Variants in MPP4 observed in about 807,000 individuals in gnomAD.
The protein encoded by MPP4 is MAGUK p55 scaffold protein 4.
In MPP4, 91 loss-of-function variants were observed where a neutral mutation model predicts 98.3. The observed-to-expected ratio is 0.93, with a 90% CI of 0.78 to 1.10. The LOEUF (loss-of-function observed/expected upper bound fraction) is 1.10, where lower values mean the gene tolerates loss of function less well. Among genes scored for constraint, MPP4 ranks in the 50% least tolerant of loss-of-function variants. The probability of loss-of-function intolerance (pLI) is 0.00; values close to 1 mark genes in which losing one functional copy is unlikely to be tolerated. For synonymous variants in MPP4, 261 were observed against 271.8 expected (o/e 0.96, Z 0.39); for missense variants, 744 against 792.9 (o/e 0.94, Z 0.74).
At chr2:201,682,362 A>C (rs1688689466) in intron 8 of MPP4, among the ~76,000 whole-genome samples, 1 of 152,220 alleles carries the variant, frequency 6.6e-6, no homozygotes, top group East Asian at 1.9e-4. Context: ...TCCTGGCAGG[A>C]ACCCAGTTTG....
In MPP4 at chr2:201,647,672, G is replaced by A; in HGVS notation, c.1719+19C>T. 6.2e-7 allele frequency: 1 copy of A among 1,611,360 alleles called. No homozygotes were observed. Among genetic ancestry groups the A allele is most frequent in the Non-Finnish European group, 8.5e-7 (1 of 1,177,874 alleles). On this transcript the variant is annotated intron_variant, in intron 21 of 21. Transcript: ENST00000409474. ...AGAAGCCACTGAAAGCAATACAGTA[G>A]TTTTTGACTTGCTCTTACCTTGAAC...
At chr2:201,658,938 T>A (rs1191276064) in intron 15 of MPP4, among the ~76,000 whole-genome samples, 1 of 152,144 alleles carries the variant, frequency 6.6e-6, no homozygotes, top group African/African-American at 2.4e-5. Context: ...CTGTTGTTGC[T>A]CACTCTGGAG....
rs1419989792 is a variant in MPP4 at position 201,654,913 on chromosome 2, G to A, written c.1305C>T (p.Pro435=). 1 of 1,599,114 alleles carries A rather than the reference G, an allele frequency of 6.3e-7. No individual in the cohort carries two copies. ...TGAGCTCATTTACTCCAACACCAGAGGGTCCTAAACACAAAAAGTCACACA... is the reference window on the plus strand; with the variant it reads ...TGAGCTCATTTACTCCAACACCAGAAGGTCCTAAACACAAAAAGTCACACA... ...DKYRLIVLMG[P]SGVGVNELRR... The change falls in exon 18 of 22, where the codon CCC becomes CCT. Residue 435 remains proline (P), a synonymous_variant. Coordinates refer to ENST00000409474, the MANE Select transcript of MPP4 (RefSeq NM_033066.3).
chr2:201,648,005 G>A (rs1328512405), intron 20 of MPP4, among the ~76,000 whole-genome samples, 180 bp from the exon 21 acceptor site: 2 of 152,090 alleles, frequency 1.3e-5, no homozygotes, highest in African/African-American at 2.4e-5. Context: ...ACAGGCATGT[G>A]CCACCATGCC....
intron 18 of MPP4, among the ~76,000 whole-genome samples, chr2:201,653,740 T>C (rs890491001): frequency 3.9e-5 from 6 of 152,168 alleles, no homozygotes; most frequent in African/African-American, 1.4e-4. Flanking sequence ...AGGTTTTTTT[T>C]GAACGATGAA....
intron 14 of MPP4, chr2:201,661,681 T>C (rs1688031015): frequency 4.5e-6 from 2 of 447,856 alleles, no homozygotes; most frequent in South Asian, 3.1e-5. Flanking sequence ...AAGCACTTTA[T>C]TCATATAAAT....
At chr2:201,686,490 C>T (rs1012323524) in intron 5 of MPP4, among the ~76,000 whole-genome samples, 2 of 152,100 alleles carry the variant, frequency 1.3e-5, no homozygotes, top group African/African-American at 4.8e-5. Flanking sequence ...CACTCAAGGG[C>T]TCATGTGGTA....
chr2:201,696,865 C>T (rs940959835), intron 1 of MPP4, among the ~76,000 whole-genome samples: 1 of 152,208 alleles, frequency 6.6e-6, no homozygotes, highest in African/African-American at 2.4e-5. Context: ...CAGTAATCTA[C>T]AACTTATGCA....
In MPP4 at chr2:201,679,805, C is replaced by T. The variant is rs527884707; in HGVS notation, c.929+1033G>A. Among the ~76,000 whole-genome samples, 19 of 152,270 alleles carry T rather than the reference C, an allele frequency of 1.2e-4. No individual in the cohort carries two copies. In the South Asian group the frequency reaches 3.7e-3, roughly 30 times the overall value. ...CTCCATCATTCTGCTCTGCTTTTTC[C>T]CAAAATGTCTCAAAGAGTTTCCTAT... On this transcript the variant is annotated intron_variant, in intron 10 of 21. Transcript: ENST00000409474.
chr2:201,677,684 A>G (rs1034977227), intron 10 of MPP4, among the ~76,000 whole-genome samples: 1 of 152,240 alleles, frequency 6.6e-6, no homozygotes, highest in African/African-American at 2.4e-5. Context: ...GTGAAGATGC[A>G]GATTCCTGGC....
chr2:201,666,496 G>A (rs1004711220), intron 12 of MPP4, 124 bp from the exon 13 acceptor site: 58 of 656,218 alleles, frequency 8.8e-5, no homozygotes, highest in East Asian at 1.6e-4. Context: ...CGAGGCGGGC[G>A]GATCACCTGA....
chr2:201,680,653 C>G lies in MPP4; in HGVS notation c.929+185G>C, dbSNP rs1688639504. ...TTCTAGCTGATATGATTATTCTCGT[C>G]TCCTTGGTATTTAAGATGCTTAGGG... is the stretch of plus-strand genomic sequence containing the variant. On this transcript the variant is annotated intron_variant, in intron 10 of 21. Coordinates refer to ENST00000409474, the MANE Select transcript of MPP4 (RefSeq NM_033066.3). 6 of 556,346 alleles carry G rather than the reference C, an allele frequency of 1.1e-5. No homozygotes were observed. In the South Asian group the frequency reaches 1.2e-4, roughly 11 times the overall value. 34.5% of individuals were successfully genotyped at this position (556,346 alleles called of 1,614,324 possible). A position where few individuals can be genotyped will look rare whatever the true frequency, so the allele number is the denominator to read the frequency against.
Position 201,668,192 on chromosome 2 carries a change from G to A in MPP4, c.1012+1541C>T, listed in dbSNP as rs1688236628. ...CTGACTTTTCTGACGCTTGACTCTGGGATCTAAGATAGGGCCACTGATTTT... is the reference window on the plus strand; with the variant it reads ...CTGACTTTTCTGACGCTTGACTCTGAGATCTAAGATAGGGCCACTGATTTT... On this transcript the variant is annotated intron_variant, in intron 12 of 21. Coordinates refer to ENST00000409474, the MANE Select transcript of MPP4 (RefSeq NM_033066.3). 2.0e-5 allele frequency among the ~76,000 whole-genome samples: 3 copies of A among 152,002 alleles called. 1 individual carries two copies. In the South Asian group the frequency reaches 6.2e-4, roughly 32 times the overall value.
chr2:201,664,082 A>T lies in MPP4; in HGVS notation c.1071T>A (p.Ser357=), dbSNP rs1574611159. The change falls in exon 14 of 22, where the codon TCT becomes TCA. Residue 357 remains serine, a splice_region_variant and synonymous_variant. Coordinates refer to ENST00000409474, the MANE Select transcript of MPP4 (RefSeq NM_033066.3). ...CVEADEETFE[S]EELSEDKEEF... is the part of the protein sequence containing the mutation. The stretch of plus-strand genomic sequence containing the variant: ...ACCAAATACTCATTTTTTACTTACC[A>T]GATTCAAATGTTTCTTCATCTATGA... 6.6e-7 allele frequency: 1 copy of T among 1,522,222 alleles called. No homozygotes were observed. The allele number at this position is 1,522,222 out of a possible 1,614,324, so 94.3% of individuals were successfully genotyped here.
chr2:201,698,303 C>T (rs1689250224), intron 1 of MPP4, among the ~76,000 whole-genome samples: 1 of 152,180 alleles, frequency 6.6e-6, no homozygotes, highest in Admixed American at 6.5e-5. Flanking sequence ...AAATAGCTGG[C>T]TTCCTCTGGG....
rs1265893603 is a variant in MPP4 at position 201,656,147 on chromosome 2, A to G, written c.1300+51T>C. Reference sequence around the variant, plus strand: ...TTCCCAATGCAAGACACCTGAATCTAGAAGGAAGACTTCTCAAGGAGGAGG... The same window carrying G: ...TTCCCAATGCAAGACACCTGAATCTGGAAGGAAGACTTCTCAAGGAGGAGG... On this transcript the variant is annotated intron_variant, in intron 17 of 21. Transcript: ENST00000409474. The G allele has an allele frequency of 3.3e-6, 5 of 1,512,008 alleles. No homozygotes were observed. The African/African-American group carries it at 6.9e-5, about 21-fold the overall frequency. 93.7% of individuals were successfully genotyped at this position (1,512,008 alleles called of 1,614,324 possible). A position where few individuals can be genotyped will look rare whatever the true frequency, so the allele number is the denominator to read the frequency against.
rs1253424839 is a variant in MPP4, at chr2:201,690,209, G to C, written c.272C>G (p.Ser91Cys). The C allele has an allele frequency of 1.2e-6, 2 of 1,606,268 alleles. No homozygotes were observed. Among genetic ancestry groups the C allele is most frequent in the East Asian group, 4.5e-5 (2 of 44,770 alleles). ...GGAATAAAATCTCCTTACCTCATAG[G>C]ATAACACCTGTGCATGTGGTGTGGC... ...VPATPHAQVL[S>C]YEVVELLRET... is the part of the protein sequence containing the mutation. The change falls in exon 4 of 22, where the codon TCC (serine) becomes TGC (cysteine). Residue 91 changes from serine (S) to cysteine (C), a missense_variant. By Grantham distance (112) the Ser-to-Cys change is moderately radical. Transcript: ENST00000409474.
At chr2:201,656,589 T>G (rs981973576) in intron 16 of MPP4, among the ~76,000 whole-genome samples, 4 of 152,218 alleles carry the variant, frequency 2.6e-5, no homozygotes, top group Admixed American at 6.5e-5. Flanking sequence ...TTGTCTTGGG[T>G]GCTGGCGATA....
At chr2:201,669,687 A>G in intron 12 of MPP4, 46 bp downstream of exon 12, 1 of 1,336,484 alleles carries the variant, frequency 7.5e-7, no homozygotes, top group Non-Finnish European at 9.9e-7. Flanking sequence ...AGAAATTTCT[A>G]AAAGACTTTG....
Sources: allele counts gnomAD v4.1 joint callset (sites outside exome capture counted in the v4.1 genomes callset), GRCh38; gene constraint gnomAD v4.1.1; transcripts MANE v1.5; gene names NCBI Gene and HGNC (gene_info 2026-07-23, HGNC 2026-07-21).